The following ARRB1 variants were observed in gnomAD, a reference collection of about 807,000 sequenced individuals.
ARRB1 encodes the protein arrestin beta 1.
Under a neutral mutation model 56.8 loss-of-function variants are expected in ARRB1, and 21 were observed. The observed-to-expected ratio is 0.37, with a 90% confidence interval of 0.26 to 0.53. ARRB1 has a LOEUF of 0.53. Among genes scored for constraint, ARRB1 ranks in the 20% least tolerant of loss-of-function variants. The pLI is 0.88. For synonymous variants in ARRB1, 210 were observed against 218.6 expected (o/e 0.96, Z 0.35); for missense variants, 424 against 553.7 (o/e 0.77, Z 2.35).
rs1225067699 is a variant in ARRB1 at position 75,261,134 on chromosome 11, G to A, written c.*5029C>T. On this transcript the variant is annotated 3_prime_UTR_variant, in exon 16 of 16. Coordinates refer to ENST00000420843, the MANE Select transcript of ARRB1 (RefSeq NM_004041.5). ...CAGGTCCCTGTCCAAATCAAACCTTGGCCAGAGCTTCAGGGTGGGTTGGCT... is the reference window on the plus strand; with the variant it reads ...CAGGTCCCTGTCCAAATCAAACCTTAGCCAGAGCTTCAGGGTGGGTTGGCT... 1 of 152,350 alleles carries A rather than the reference G, an allele frequency of 6.6e-6. No homozygotes were observed. The highest frequency in any genetic ancestry group is 2.4e-5 in the African/African-American group (1 of 41,280). The allele number at this position is 152,350 out of a possible 1,614,324, so 9.4% of individuals were successfully genotyped here.
intron 1 of ARRB1, among the ~76,000 whole-genome samples, chr11:75,297,442 T>G (rs1242160156): frequency 6.6e-6 from 1 of 152,124 alleles, no homozygotes; most frequent in East Asian, 1.9e-4. Context: ...TCAATAGATT[T>G]TTTTACAAAG....
intron 10 of ARRB1, among the ~76,000 whole-genome samples, chr11:75,275,413 C>G (rs2140411185): frequency 6.6e-6 from 1 of 152,262 alleles, no homozygotes; most frequent in Middle Eastern, 3.4e-3. Flanking sequence ...TCCCCAAGTG[C>G]TGGGATTATA....
intron 3 of ARRB1, among the ~76,000 whole-genome samples, chr11:75,285,417 T>C (rs1946446815): frequency 6.6e-6 from 1 of 152,174 alleles, no homozygotes; most frequent in Non-Finnish European, 1.5e-5. Flanking sequence ...TGACATCCCC[T>C]GTCTATCTTT....
intron 1 of ARRB1, among the ~76,000 whole-genome samples, chr11:75,329,088 C>CTT (rs770989128): frequency 2.8e-4 from 29 of 103,656 alleles, no homozygotes; most frequent in Non-Finnish European, 3.8e-4. Flanking sequence ...TGCTGTGTAA[C>CTT]TTTTTTTTTT....
At chr11:75,315,705 T>C (rs1345499460) in intron 1 of ARRB1, among the ~76,000 whole-genome samples, 1 of 152,148 alleles carries the variant, frequency 6.6e-6, no homozygotes, top group Non-Finnish European at 1.5e-5. Flanking sequence ...CGCCTTCCAC[T>C]ATAAGCCAGT....
At chr11:75,285,501 A>T (rs955315964) in intron 3 of ARRB1, among the ~76,000 whole-genome samples, 12 of 152,120 alleles carry the variant, frequency 7.9e-5, no homozygotes, top group Non-Finnish European at 1.3e-4. Context: ...GTGGAAGAGG[A>T]GGGCCAGGAT....
At chr11:75,269,929 A>C (rs1350416349) in intron 13 of ARRB1, among the ~76,000 whole-genome samples, 1 of 152,224 alleles carries the variant, frequency 6.6e-6, no homozygotes, top group Non-Finnish European at 1.5e-5. Flanking sequence ...AGACCACCCA[A>C]CTGCGAGTGC....
intron 7 of ARRB1, among the ~76,000 whole-genome samples, chr11:75,279,756 C>T (rs572172180): frequency 9.2e-5 from 14 of 152,310 alleles, no homozygotes; most frequent in Admixed American, 3.3e-4. Context: ...CAACCTCTGC[C>T]TCCCAGCTTC....
rs543506292 is a variant in ARRB1 at position 75,267,554 on chromosome 11, G to A, written c.1145+98C>T. The A allele has an allele frequency of 3.3e-4, 414 of 1,252,488 alleles. 1 individual carries two copies. Among genetic ancestry groups the A allele is most frequent in the Non-Finnish European group, 4.2e-4 (370 of 882,614 alleles). 77.6% of individuals were successfully genotyped at this position (1,252,488 alleles called of 1,614,324 possible). ...TCTCAGCAGACGGGGTTAGACCAGC[G>A]GCTCCTCAGGAGTTAATAAGCATAT... On this transcript the variant is annotated intron_variant, in intron 15 of 15. Transcript: ENST00000420843.
chr11:75,299,267 G>C (rs1946836987), intron 1 of ARRB1, among the ~76,000 whole-genome samples: 2 of 150,952 alleles, frequency 1.3e-5, no homozygotes, highest in South Asian at 4.2e-4. Flanking sequence ...AAAAGACAGA[G>C]AGAATGAAAA....
chr11:75,281,958 C>T lies in ARRB1; in HGVS notation c.414+4G>A. ...AGAGAGATGGTCCCCTTGGGGTGAC[C>T]TACCTTCCCCGTGTCTTCGGGCCCC... On this transcript the variant is annotated splice_donor_region_variant and intron_variant, in intron 6 of 15. Transcript: ENST00000420843. The T allele has an allele frequency of 6.2e-7, 1 of 1,614,052 alleles. No individual in the cohort carries two copies. The highest frequency in any genetic ancestry group is 1.1e-5 in the South Asian group (1 of 91,074).
chr11:75,283,924 C>T (rs764935268), intron 4 of ARRB1, among the ~76,000 whole-genome samples: 6 of 152,092 alleles, frequency 3.9e-5, no homozygotes, highest in Non-Finnish European at 8.8e-5. Context: ...TGTCTTCCTG[C>T]GCATTGATAC....
At chr11:75,299,633 C>T (rs375535535) in intron 1 of ARRB1, among the ~76,000 whole-genome samples, 80 of 152,304 alleles carry the variant, frequency 5.3e-4, no homozygotes, top group African/African-American at 1.9e-3. Context: ...CCTTCCCTGA[C>T]TACCCTCTAA....
At chr11:75,350,204 A>AGCTAT (rs1486833622) in intron 1 of ARRB1, among the ~76,000 whole-genome samples, 2 of 152,196 alleles carry the variant, frequency 1.3e-5, no homozygotes. Flanking sequence ...TGGGTGAGAA[A>AGCTAT]TAGCTTTGTC....
Position 75,264,588 on chromosome 11 carries a change from G to T in ARRB1, c.*1575C>A, listed in dbSNP as rs1173580161. 3.3e-5 allele frequency: 5 copies of T among 152,214 alleles called. No homozygotes were observed. Among genetic ancestry groups the T allele is most frequent in the Non-Finnish European group, 5.9e-5 (4 of 68,084 alleles). The allele number at this position is 152,214 out of a possible 1,614,324, so 9.4% of individuals were successfully genotyped here. On this transcript the variant is annotated 3_prime_UTR_variant, in exon 16 of 16. Coordinates refer to ENST00000420843, the MANE Select transcript of ARRB1 (RefSeq NM_004041.5). ...TGGGCACAGGGTGGGGTTGAGGGCA[G>T]TTGGTGCTCCATAGGGCCCTGCCAC...
intron 1 of ARRB1, among the ~76,000 whole-genome samples, chr11:75,337,320 C>T (rs144489487): frequency 5.3e-5 from 8 of 152,216 alleles, no homozygotes; most frequent in African/African-American, 1.9e-4. Flanking sequence ...GAGCTATGAT[C>T]GTGCCACTGC....
At chr11:75,300,075 C>T (rs2154750) in intron 1 of ARRB1, among the ~76,000 whole-genome samples, 29,350 of 151,438 alleles carry the variant, frequency 0.19, 2,999 homozygotes, top group East Asian at 0.34. Context: ...TGTGGTGGCA[C>T]GTGCCTGTAA....
intron 1 of ARRB1, among the ~76,000 whole-genome samples, chr11:75,316,324 CAAA>C (rs11361682): frequency 1.7e-5 from 2 of 116,110 alleles, no homozygotes; most frequent in Non-Finnish European, 3.7e-5. Context: ...GAGACTCTGT[CAAA>C]AAAAAAAAAA....
intron 7 of ARRB1, among the ~76,000 whole-genome samples, chr11:75,279,175 T>A (rs1453705019): frequency 2.0e-5 from 3 of 152,358 alleles, no homozygotes; most frequent in East Asian, 3.9e-4. Flanking sequence ...TGTTCACAGC[T>A]GTACTCTCAG....
Sources: allele counts gnomAD v4.1 joint callset (sites outside exome capture counted in the v4.1 genomes callset), GRCh38; gene constraint gnomAD v4.1.1; transcripts MANE v1.5; gene names NCBI Gene and HGNC (gene_info 2026-07-23, HGNC 2026-07-21).